The following SUMF2 variants were observed in gnomAD, a reference collection of about 807,000 sequenced individuals.
SUMF2 encodes sulfatase modifying factor 2.
In SUMF2, 45 loss-of-function variants were observed where a neutral mutation model predicts 44.8. That is an observed-to-expected ratio of 1.00 (90% CI 0.79 to 1.29). The LOEUF is 1.29. SUMF2 is among the 50% of genes most tolerant of loss of function. SUMF2 has a pLI of 0.00. For missense variants in SUMF2, 418 were observed against 389.9 expected (o/e 1.07, Z -0.61); for synonymous variants, 148 against 150.4 (o/e 0.98, Z 0.12).
At position 56,064,309 on chromosome 7, in the gene SUMF2, C is replaced by A; in HGVS notation, c.-3C>A. On this transcript the variant is annotated 5_prime_UTR_variant, in exon 1 of 9. In the 5' UTR this introduces an upstream ATG that the reference lacks. Transcript: ENST00000434526. ...GTGTACGCGGCGCAGCGCGGCAGTC[C>A]TGATGGCCCGGCATGGGTTACCGCT... 6.3e-7 allele frequency: 1 copy of A among 1,590,020 alleles called. No individual in the cohort carries two copies. The highest frequency in any genetic ancestry group is 1.8e-5 in the Admixed American group (1 of 55,966).
rs527443920 is a variant in SUMF2 at position 56,073,740 on chromosome 7, GCAGCT to G, written c.340-431_340-427del. On this transcript the variant is annotated intron_variant, in intron 3 of 8. Transcript: ENST00000434526. ...AAGATTCCAGTCTCAGCTGGGCGCAGCAGCTCACGCCTGTAACCCCAGCACTTTGG... is the reference window on the plus strand; with the variant it reads ...AAGATTCCAGTCTCAGCTGGGCGCAGCACGCCTGTAACCCCAGCACTTTGG... 2.7e-3 allele frequency: 511 copies of G among 186,988 alleles called. 2 individuals are homozygous for G. Among genetic ancestry groups the G allele is most frequent in the Admixed American group, 5.6e-3 (103 of 18,278 alleles). 11.6% of individuals were successfully genotyped at this position (186,988 alleles called of 1,614,324 possible). A position where few individuals can be genotyped will look rare whatever the true frequency, so the allele number is the denominator to read the frequency against.
In SUMF2 at chr7:56,080,073, T is replaced by C; in HGVS notation, c.*461T>C. On this transcript the variant is annotated 3_prime_UTR_variant, in exon 9 of 9. Coordinates refer to ENST00000434526, the MANE Select transcript of SUMF2 (RefSeq NM_015411.4). ...AATGCTTTCTTTGTGGCCTCATCTG[T>C]GGTTTCGTGTCCCTCTGAAGGAAAC... 28 of 589,526 alleles carry C rather than the reference T, an allele frequency of 4.7e-5. 2 individuals are homozygous for C. The South Asian group carries it at 5.1e-4, about 11-fold the overall frequency. 36.5% of individuals were successfully genotyped at this position (589,526 alleles called of 1,614,324 possible).
chr7:56,076,575 A>G (rs1584598184), intron 5 of SUMF2: 1 of 384,354 alleles, frequency 2.6e-6, no homozygotes. Flanking sequence ...TGAACTGATA[A>G]CAGATGCTTT....
downstream of SUMF2, chr7:56,084,069 T>A (rs1426014163): frequency 2.5e-5 from 19 of 766,216 alleles, no homozygotes; most frequent in Admixed American, 5.1e-5. Flanking sequence ...CAGGTTCCCA[T>A]TACCCTAGTT....
At chr7:56,069,594 ATTATTG>A (rs1417112463) in intron 2 of SUMF2, among the ~76,000 whole-genome samples, 5 of 151,970 alleles carry the variant, frequency 3.3e-5, no homozygotes, top group Admixed American at 6.6e-5. Flanking sequence ...TTTTATTATT[ATTATTG>A]TTATTGTTAT....
In SUMF2 at chr7:56,080,070, C is replaced by A; in HGVS notation, c.*458C>A. On this transcript the variant is annotated 3_prime_UTR_variant, in exon 9 of 9. Transcript: ENST00000434526. Reference sequence around the variant, plus strand: ...GAGAATGCTTTCTTTGTGGCCTCATCTGTGGTTTCGTGTCCCTCTGAAGGA... The same window carrying A: ...GAGAATGCTTTCTTTGTGGCCTCATATGTGGTTTCGTGTCCCTCTGAAGGA... 1.7e-6 allele frequency: 1 copy of A among 599,694 alleles called. No homozygotes were observed. Among genetic ancestry groups the A allele is most frequent in the Admixed American group, 3.2e-5 (1 of 31,672 alleles). 37.1% of individuals were successfully genotyped at this position (599,694 alleles called of 1,614,324 possible).
At chr7:56,076,726 T>A in intron 5 of SUMF2, 108 bp from the exon 6 acceptor site, 5 of 1,043,196 alleles carry the variant, frequency 4.8e-6, no homozygotes, top group Non-Finnish European at 7.0e-6. Flanking sequence ...CTCTTTTTTC[T>A]CATCACCCTC....
chr7:56,077,010 G>A, intron 6 of SUMF2, 121 bp downstream of exon 6: 1 of 819,968 alleles, frequency 1.2e-6, no homozygotes, highest in Non-Finnish European at 1.9e-6. Context: ...TGACTCATAA[G>A]CTGGTAAAGC....
chr7:56,068,629 A>C lies in SUMF2; in HGVS notation c.215A>C (p.Lys72Thr). The C allele has an allele frequency of 3.1e-6, 5 of 1,613,622 alleles. No homozygotes were observed. The highest frequency in any genetic ancestry group is 4.2e-6 in the Non-Finnish European group (5 of 1,179,808). The change falls in exon 2 of 9, where the codon AAA (lysine) becomes ACA (threonine). Residue 72 changes from lysine to threonine, a missense_variant. Lys to Thr is a moderately conservative substitution (Grantham distance 78). Coordinates refer to ENST00000434526, the MANE Select transcript of SUMF2 (RefSeq NM_015411.4). ...ATCGACATATTTCCTGTCACCAACA[A>C]AGATTTCAGGTACATCAGGTATTCT... ...FAIDIFPVTN[K>T]DFRDFVREKK...
At chr7:56,075,665 C>A (rs1256720484) in intron 5 of SUMF2, among the ~76,000 whole-genome samples, 3 of 150,042 alleles carry the variant, frequency 2.0e-5, no homozygotes, top group Non-Finnish European at 4.4e-5. Context: ...CGCCACTGCA[C>A]TCCAGCCTGG....
chr7:56,081,559 T>C, downstream of SUMF2: 2 of 1,562,456 alleles, frequency 1.3e-6, no homozygotes, highest in Middle Eastern at 2.1e-4. This position sits in a 1 kb window ranked among gnomAD's most constrained non-coding sequence, Gnocchi z 4.6. Flanking sequence ...GTGTAAGGAC[T>C]CCTGGGAGAG....
downstream of SUMF2, chr7:56,080,673 C>T (rs774822867): frequency 7.8e-6 from 2 of 254,834 alleles, no homozygotes; most frequent in Non-Finnish European, 1.5e-5. Context: ...GTATCTCAGA[C>T]ATTTGTGTCT....
At chr7:56,081,063 C>T, downstream of SUMF2, 1 of 1,612,350 alleles carries the variant, frequency 6.2e-7, no homozygotes, top group Non-Finnish European at 8.5e-7. The surrounding 1 kb of genome is among the most constrained non-coding windows in gnomAD (Gnocchi z 4.6). Flanking sequence ...CTCAGTAGTC[C>T]TCCTCGGCCA....
chr7:56,072,303 G>A (rs748529677), intron 2 of SUMF2, among the ~76,000 whole-genome samples: 11 of 151,388 alleles, frequency 7.3e-5, no homozygotes, highest in Admixed American at 2.0e-4. Flanking sequence ...GTATACGTCT[G>A]TAATCCCAGC....
chr7:56,084,237 C>T, downstream of SUMF2: 2 of 1,526,548 alleles, frequency 1.3e-6, no homozygotes, highest in Middle Eastern at 1.7e-4. Flanking sequence ...GTATCAGTGT[C>T]TTCCCATCTG....
chr7:56,065,641 G>A (rs1360729944), intron 1 of SUMF2, among the ~76,000 whole-genome samples: 1 of 152,010 alleles, frequency 6.6e-6, no homozygotes, highest in Non-Finnish European at 1.5e-5. Flanking sequence ...GTCTCGACGT[G>A]TTGCCCAGGC....
chr7:56,084,071 A>G, downstream of SUMF2: 1 of 773,792 alleles, frequency 1.3e-6, no homozygotes, highest in Non-Finnish European at 2.1e-6. Context: ...GGTTCCCATT[A>G]CCCTAGTTCC....
Position 56,074,679 on chromosome 7 carries a change from G to C in SUMF2, c.478G>C (p.Gly160Arg). 1 of 1,614,168 alleles carries C rather than the reference G, an allele frequency of 6.2e-7. No homozygotes were observed. The highest frequency in any genetic ancestry group is 1.1e-5 in the South Asian group (1 of 91,080). The change falls in exon 5 of 9, where the codon GGA becomes CGA. Residue 160 changes from glycine (G) to arginine (R), a missense_variant. Transcript: ENST00000434526. The part of the protein sequence containing the change: ...NDARAYCAWR[G>R]KRLPTEEEWE... ...CGCCCGTGCCTACTGTGCTTGGCGG[G>C]GAAAACGACTGCCCACGGAGGAAGA...
chr7:56,068,869 A>ATT (rs879521418), intron 2 of SUMF2, among the ~76,000 whole-genome samples: 1 of 143,554 alleles, frequency 7.0e-6, no homozygotes, highest in African/African-American at 2.5e-5. Flanking sequence ...CGCCCGGCTA[A>ATT]TTTTTTTTTT....
Sources: gnomAD v4.1 joint callset for allele counts (sites outside exome capture counted in the v4.1 genomes callset) on GRCh38, gnomAD v4.1.1 for gene constraint, Gnocchi (gnomAD v3.1) non-coding constraint, MANE v1.5 for transcripts, NCBI Gene and HGNC (gene_info 2026-07-23, HGNC 2026-07-21) for gene names.